The following RNMT variants were observed in gnomAD, a reference collection of about 807,000 sequenced individuals.
RNMT encodes the protein RNA guanine-7 methyltransferase, also known as mRNA cap guanine-N(7) methyltransferase.
A neutral mutation model predicts 56.0 loss-of-function variants in RNMT; 27 were observed. That is an observed-to-expected ratio of 0.48 (90% CI 0.36 to 0.67). The LOEUF is 0.67. RNMT is among the 30% of genes least tolerant of loss of function. The pLI, the probability that RNMT is intolerant of heterozygous loss-of-function variation, is 0.00. For missense variants in RNMT, 519 were observed against 552.1 expected, an observed-to-expected ratio of 0.94 and a Z score of 0.60; for synonymous variants, 184 against 176.2, an observed-to-expected ratio of 1.04 and a Z score of -0.35.
At chr18:13,745,056 G>A (rs17694459) in intron 8 of RNMT, among the ~76,000 whole-genome samples, 26,596 of 152,160 alleles carry the variant, frequency 0.17, 2,937 homozygotes, top group Admixed American at 0.26. Flanking sequence ...AGAGGACAGC[G>A]TGTGTGAGGG....
intron 11 of RNMT, among the ~76,000 whole-genome samples, chr18:13,757,419 CT>C (rs1485415285): frequency 6.6e-6 from 1 of 152,200 alleles, no homozygotes. Context: ...TGAAACCCTA[CT>C]GGTCTTTATC....
At chr18:13,735,980 G>A (rs1230241208) in intron 4 of RNMT, among the ~76,000 whole-genome samples, 1 of 152,188 alleles carries the variant, frequency 6.6e-6, no homozygotes, top group East Asian at 1.9e-4. Flanking sequence ...TTGTAGCTTG[G>A]TAAGTAAACA....
intron 5 of RNMT, 136 bp downstream of exon 5, chr18:13,737,271 G>A (rs2044177177): frequency 1.8e-5 from 14 of 758,384 alleles, no homozygotes; most frequent in Non-Finnish European, 2.6e-5. Flanking sequence ...GGCCTGACGC[G>A]GTGGCTCATG....
intron 8 of RNMT, among the ~76,000 whole-genome samples, chr18:13,743,330 AAATAAATAAAT>A (rs1403627839): frequency 1.2e-3 from 21 of 17,318 alleles, no homozygotes; most frequent in South Asian, 3.4e-3. Context: ...CTCAAAAAAA[AAATAAATAAAT>A]AAATAAATAA....
intron 8 of RNMT, among the ~76,000 whole-genome samples, chr18:13,744,379 G>A (rs2044317296): frequency 6.6e-6 from 1 of 151,326 alleles, no homozygotes; most frequent in Admixed American, 6.6e-5. Flanking sequence ...ATTCAAATTG[G>A]GCCTCAATTC....
intron 9 of RNMT, among the ~76,000 whole-genome samples, chr18:13,751,023 C>G (rs1373930205): frequency 1.3e-5 from 2 of 152,112 alleles, no homozygotes; most frequent in African/African-American, 2.4e-5. Context: ...TAGAAGAAAA[C>G]CTAGGCAATA....
At chr18:13,729,888 C>T (rs2044038754) in intron 1 of RNMT, among the ~76,000 whole-genome samples, 1 of 151,932 alleles carries the variant, frequency 6.6e-6, no homozygotes, top group Non-Finnish European at 1.5e-5. Context: ...CAGCCTGGAC[C>T]TCCTGGGCTC....
At chr18:13,740,408 C>T in intron 6 of RNMT, 129 bp downstream of exon 6, 1 of 592,878 alleles carries the variant, frequency 1.7e-6, no homozygotes, top group Middle Eastern at 4.7e-4. Flanking sequence ...CAGGGTCTTA[C>T]TCTGTCACCT....
chr18:13,762,031 C>G lies in RNMT; in HGVS notation c.*2052C>G, dbSNP rs532707404. The G allele has an allele frequency of 1.4e-5, 21 of 1,536,048 alleles. No homozygotes were observed. In the African/African-American group the frequency reaches 1.8e-4, roughly 13 times the overall value. On this transcript the variant is annotated 3_prime_UTR_variant, in exon 12 of 12. Coordinates refer to ENST00000383314, the MANE Select transcript of RNMT (RefSeq NM_003799.3). ...CCTTGTCGTCTAAATGTTCGGTATT[C>G]TATTCAGGACTTACGGTAACTATTA... is the stretch of plus-strand genomic sequence containing the variant.
chr18:13,740,184 G>A lies in RNMT; in HGVS notation c.697G>A (p.Val233Ile), dbSNP rs776001269. 4 of 1,609,942 alleles carry A rather than the reference G, an allele frequency of 2.5e-6. No individual in the cohort carries two copies. The African/African-American group carries it at 5.3e-5, about 22-fold the overall frequency. ...LVCTDIADVS[V>I]KQCQQRYEDM... ...CCTTCCAGATATTGCCGATGTTTCT[G>A]TCAAACAGTGTCAGCAGCGGTATGA... The change falls in exon 6 of 12, where the codon GTC becomes ATC. Residue 233 changes from valine to isoleucine, a missense_variant. Physicochemically the swap from Val to Ile is conservative, Grantham distance 29. Transcript: ENST00000383314.
intron 9 of RNMT, 122 bp downstream of exon 9, chr18:13,746,459 G>GTCA: frequency 1.4e-6 from 1 of 691,866 alleles, no homozygotes; most frequent in South Asian, 1.6e-5. Flanking sequence ...TCAGCACCTA[G>GTCA]GACGGAGCTT....
chr18:13,745,932 G>A (rs2044344473), intron 8 of RNMT, among the ~76,000 whole-genome samples: 1 of 152,150 alleles, frequency 6.6e-6, no homozygotes, highest in Non-Finnish European at 1.5e-5. Context: ...CAGTAGAAAA[G>A]AGTTTCCTAC....
Position 13,762,937 on chromosome 18 carries a change from CATT to C in RNMT, c.*2959_*2961del. ...CAGTGTGAATATTCTAGCTACCAAACATTGTTTTTTGTTGAAAAACTGACTTTC... is the reference window on the plus strand; with the variant it reads ...CAGTGTGAATATTCTAGCTACCAAACGTTTTTTGTTGAAAAACTGACTTTC... On this transcript the variant is annotated 3_prime_UTR_variant, in exon 12 of 12. Transcript: ENST00000383314. The C allele has an allele frequency of 2.7e-6, 1 of 372,112 alleles. No individual in the cohort carries two copies. Among genetic ancestry groups the C allele is most frequent in the Non-Finnish European group, 5.4e-6 (1 of 186,414 alleles). The allele number at this position is 372,112 out of a possible 1,614,324, so 23.1% of individuals were successfully genotyped here.
At chr18:13,749,916 C>T (rs1300977659) in intron 9 of RNMT, among the ~76,000 whole-genome samples, 2 of 151,752 alleles carry the variant, frequency 1.3e-5, no homozygotes, top group African/African-American at 2.4e-5. Flanking sequence ...CGTGCCACCA[C>T]ACCTGGCTAC....
intron 3 of RNMT, among the ~76,000 whole-genome samples, chr18:13,732,171 G>A (rs2044081441): frequency 6.6e-6 from 1 of 152,064 alleles, no homozygotes; most frequent in African/African-American, 2.4e-5. Context: ...ATGAGATAAT[G>A]TTTATCTTAT....
At chr18:13,735,115 AG>A (rs2044137456) in intron 4 of RNMT, among the ~76,000 whole-genome samples, 3 of 152,210 alleles carry the variant, frequency 2.0e-5, no homozygotes, top group Middle Eastern at 3.2e-3. Context: ...GGTAAAAAAA[AG>A]AATATAATTA....
intron 11 of RNMT, among the ~76,000 whole-genome samples, chr18:13,756,252 C>T (rs904451908): frequency 3.9e-5 from 6 of 152,112 alleles, no homozygotes; most frequent in Admixed American, 1.3e-4. Flanking sequence ...AATTGAAATG[C>T]CTGCATAGAA....
chr18:13,746,397 G>A (rs1336865021), intron 9 of RNMT, 60 bp downstream of exon 9: 3 of 962,828 alleles, frequency 3.1e-6, no homozygotes, highest in Non-Finnish European at 5.0e-6. Flanking sequence ...GGCTGTTCTT[G>A]AGATCCTTGC....
chr18:13,754,885 A>G (rs1313942066), intron 11 of RNMT, among the ~76,000 whole-genome samples: 1 of 152,226 alleles, frequency 6.6e-6, no homozygotes, highest in Non-Finnish European at 1.5e-5. Context: ...AGAGGTGTGC[A>G]TGATAGGGGA....
Sources: gnomAD v4.1 joint callset for allele counts (sites outside exome capture counted in the v4.1 genomes callset) on GRCh38, gnomAD v4.1.1 for gene constraint, MANE v1.5 for transcripts, NCBI Gene and HGNC (gene_info 2026-07-23, HGNC 2026-07-21) for gene names.